Variants in CLCA1 observed in about 807,000 individuals in gnomAD.
CLCA1 encodes chloride channel accessory 1, also known as calcium-activated chloride channel regulator 1.
CLCA1 carries 59 observed loss-of-function variants against 85.6 expected under a neutral mutation model. That is an observed-to-expected ratio of 0.69 (90% CI 0.56 to 0.86). The LOEUF (loss-of-function observed/expected upper bound fraction) is 0.86, where lower values mean the gene tolerates loss of function less well. Among genes scored for constraint, CLCA1 ranks in the 40% least tolerant of loss-of-function variants. The pLI is 0.00. For synonymous variants in CLCA1, 396 were observed against 398.3 expected (o/e 0.99, Z 0.07); for missense variants, 1,022 against 1,101.4 (o/e 0.93, Z 1.02).
At chr1:86,469,782 G>C (rs1402183367) in intron 1 of CLCA1, among the ~76,000 whole-genome samples, 1 of 152,144 alleles carries the variant, frequency 6.6e-6, no homozygotes, top group Non-Finnish European at 1.5e-5. Flanking sequence ...AGAGGGAAAT[G>C]CTTTATAAAA....
intron 5 of CLCA1, among the ~76,000 whole-genome samples, chr1:86,484,460 A>T (rs1647906996): frequency 6.6e-6 from 1 of 152,220 alleles, no homozygotes; most frequent in African/African-American, 2.4e-5. Flanking sequence ...AGCCAGAATG[A>T]GAATGGAGAA....
chr1:86,498,998 A>C (rs1324381202), intron 13 of CLCA1, among the ~76,000 whole-genome samples, 187 bp downstream of exon 13: 1 of 152,230 alleles, frequency 6.6e-6, no homozygotes, highest in Non-Finnish European at 1.5e-5. Flanking sequence ...AAAACTGGTA[A>C]ACTTTGGGAG....
chr1:86,482,143 ATAGACTCTGACC>A, intron 4 of CLCA1, 50 bp from the exon 5 acceptor site: 2 of 1,282,334 alleles, frequency 1.6e-6, no homozygotes, highest in South Asian at 2.7e-5. Flanking sequence ...GAAACTGAGC[ATAGACTCTGACC>A]CTTTGAAATG....
chr1:86,497,021 C>A (rs1648309532), intron 12 of CLCA1, among the ~76,000 whole-genome samples: 2 of 152,246 alleles, frequency 1.3e-5, no homozygotes, highest in Non-Finnish European at 2.9e-5. Flanking sequence ...AGCCACCGTG[C>A]CCAGCCCATG....
intron 9 of CLCA1, 110 bp from the exon 10 acceptor site, chr1:86,493,274 G>T: frequency 1.3e-6 from 1 of 756,074 alleles, no homozygotes; most frequent in Non-Finnish European, 2.2e-6. Context: ...AAGGATTCAG[G>T]CATCACTGAA....
chr1:86,489,194 C>T (rs201510835), intron 8 of CLCA1, 24 bp downstream of exon 8: 130 of 1,605,774 alleles, frequency 8.1e-5, no homozygotes, highest in Admixed American at 2.2e-4. Flanking sequence ...TGCTGAGACC[C>T]CCGGTATTGT....
At chr1:86,469,201 T>A in intron 1 of CLCA1, 68 bp downstream of exon 1, 1 of 1,156,790 alleles carries the variant, frequency 8.6e-7, no homozygotes, top group Non-Finnish European at 1.2e-6. Flanking sequence ...AGAACATGAG[T>A]GCCCTATTCC....
chr1:86,486,638 A>C lies in CLCA1; in HGVS notation c.1067A>C (p.Gln356Pro). The C allele has an allele frequency of 6.2e-7, 1 of 1,614,178 alleles. No homozygotes were observed. Among genetic ancestry groups the C allele is most frequent in the Non-Finnish European group, 8.5e-7 (1 of 1,180,022 alleles). ...ACATTTGACAGTGCTGCCCATGTAC[A>C]AAATGAACTCATACAGATAAACAGT... The part of the protein sequence containing the change: ...MVTFDSAAHV[Q>P]NELIQINSGS... Residue 356 changes from glutamine (Q) to proline (P), a missense_variant, in exon 7 of 14, where the codon CAA becomes CCA. Transcript: ENST00000394711.
intron 4 of CLCA1, 105 bp from the exon 5 acceptor site, chr1:86,482,100 A>G: frequency 1.3e-6 from 1 of 779,816 alleles, no homozygotes; most frequent in Non-Finnish European, 2.1e-6. Flanking sequence ...TTCTTGGATC[A>G]TGAGAGGAAA....
intron 11 of CLCA1, 124 bp downstream of exon 11, chr1:86,494,572 T>G (rs1648225534): frequency 1.0e-6 from 1 of 972,606 alleles, no homozygotes; most frequent in African/African-American, 1.6e-5. Flanking sequence ...TGAGGTCTGG[T>G]TGGGAGAGTT....
chr1:86,487,739 C>T (rs982767377), intron 7 of CLCA1, among the ~76,000 whole-genome samples: 4 of 152,192 alleles, frequency 2.6e-5, no homozygotes, highest in Non-Finnish European at 4.4e-5. Context: ...ACCACCCTAT[C>T]CTCCATCCAG....
At chr1:86,479,284 T>C (rs145022988) in intron 4 of CLCA1, among the ~76,000 whole-genome samples, 1 of 152,242 alleles carries the variant, frequency 6.6e-6, no homozygotes, top group Non-Finnish European at 1.5e-5. Context: ...AAAGGTATGA[T>C]AAAAGTAGAA....
In CLCA1 at chr1:86,499,869, T is replaced by C; in HGVS notation, c.2569T>C (p.Ser857Pro). Residue 857 changes from serine (S) to proline (P), a missense_variant, in exon 14 of 14, where the codon TCC becomes CCC. Transcript: ENST00000394711. ...TAAGGTCGATCTGAAATCAGAAATA[T>C]CCAACATTGCACGAGTATCTTTGTT... ...VDKVDLKSEI[S>P]NIARVSLFIP... 1 of 1,613,898 alleles carries C rather than the reference T, an allele frequency of 6.2e-7. No individual in the cohort carries two copies. The highest frequency in any genetic ancestry group is 8.5e-7 in the Non-Finnish European group (1 of 1,179,754).
chr1:86,493,491 G>A lies in CLCA1; in HGVS notation c.1572G>A (p.Met524Ile), dbSNP rs765718941. 6.8e-6 allele frequency: 11 copies of A among 1,614,012 alleles called. 2 individuals are homozygous for A. The highest frequency in any genetic ancestry group is 3.3e-4 in the Middle Eastern group (2 of 6,062). The change falls in exon 10 of 14, where the codon ATG becomes ATA. Residue 524 changes from methionine to isoleucine, a missense_variant. Physicochemically the swap from Met to Ile is conservative, Grantham distance 10 (BLOSUM62 1). Transcript: ENST00000394711. The part of the protein sequence containing the change: ...KDTLFLITWT[M>I]QPPQILLWDP... ...CTTTGTTTCTTATCACCTGGACAAT[G>A]CAGCCTCCCCAAATCCTTCTCTGGG... is the stretch of plus-strand genomic sequence containing the variant.
rs186997282 is a variant in CLCA1 at position 86,493,016 on chromosome 1, A to G, written c.1465-368A>G. Reference sequence around the variant, plus strand: ...CAGAGAAACCTTCATGGAGAAAGTAATATTTGAATTTTGAAGGATGGGTAA... The same window carrying G: ...CAGAGAAACCTTCATGGAGAAAGTAGTATTTGAATTTTGAAGGATGGGTAA... On this transcript the variant is annotated intron_variant, in intron 9 of 13. Coordinates refer to ENST00000394711, the MANE Select transcript of CLCA1 (RefSeq NM_001285.4). Among the ~76,000 whole-genome samples the G allele has an allele frequency of 6.6e-5, 10 of 152,308 alleles. No individual in the cohort carries two copies. In the East Asian group the frequency reaches 1.5e-3, roughly 23 times the overall value.
intron 12 of CLCA1, among the ~76,000 whole-genome samples, chr1:86,497,844 A>G (rs1648332416): frequency 6.6e-6 from 1 of 152,126 alleles, no homozygotes; most frequent in Admixed American, 6.5e-5. Flanking sequence ...TCTGAGGTTT[A>G]AAACACTTAG....
intron 9 of CLCA1, among the ~76,000 whole-genome samples, chr1:86,492,769 AC>A (rs1259346592): frequency 4.6e-5 from 7 of 152,242 alleles, no homozygotes; most frequent in African/African-American, 1.7e-4. Flanking sequence ...ATACTACCTG[AC>A]TTAGCAATTA....
chr1:86,498,750 C>A lies in CLCA1; in HGVS notation c.2292C>A (p.His764Gln). 2 of 1,614,022 alleles carry A rather than the reference C, an allele frequency of 1.2e-6. No homozygotes were observed. Residue 764 changes from histidine (H) to glutamine (Q), a missense_variant, in exon 13 of 14, where the codon CAC (histidine) becomes CAA (glutamine). Coordinates refer to ENST00000394711, the MANE Select transcript of CLCA1 (RefSeq NM_001285.4). ...TCACCGACCTGAAGGCGGAAATTCA[C>A]GGGGGCAGTCTCATTAATCTGACTT... ...GQITDLKAEI[H>Q]GGSLINLTWT...
chr1:86,490,435 G>A (rs992984351), intron 8 of CLCA1, among the ~76,000 whole-genome samples: 38 of 152,298 alleles, frequency 2.5e-4, no homozygotes, highest in African/African-American at 8.7e-4. Flanking sequence ...CTGGCCTGGT[G>A]TAAAATCCTG....
Sources: allele counts gnomAD v4.1 joint callset (sites outside exome capture counted in the v4.1 genomes callset), GRCh38; gene constraint gnomAD v4.1.1; transcripts MANE v1.5; gene names NCBI Gene and HGNC (gene_info 2026-07-23, HGNC 2026-07-21).